GLB1L3: variants seen among roughly 807,000 people sequenced by gnomAD.
GLB1L3 encodes the protein beta-galactosidase-1-like protein 3.
GLB1L3 carries 89 observed loss-of-function variants against 89.5 expected under a neutral mutation model. The observed-to-expected ratio is 0.99, with a 90% CI of 0.84 to 1.19. GLB1L3 has a LOEUF of 1.19. GLB1L3 is among the 50% of genes most tolerant of loss of function. GLB1L3 has a pLI of 0.00. For synonymous variants in GLB1L3, 314 were observed against 312.3 expected (o/e 1.01, Z -0.06); for missense variants, 812 against 813.3 (o/e 1.00, Z 0.02).
chr11:134,277,169 G>A (rs745320074), intron 1 of GLB1L3, 157 bp from the exon 2 acceptor site: 19 of 859,052 alleles, frequency 2.2e-5, no homozygotes, highest in Non-Finnish European at 1.9e-5. Flanking sequence ...GTGATGCCGC[G>A]CTGTCCTGGC....
At chr11:134,307,575 T>C (rs1942260491) in intron 10 of GLB1L3, among the ~76,000 whole-genome samples, 1 of 152,144 alleles carries the variant, frequency 6.6e-6, no homozygotes, top group Non-Finnish European at 1.5e-5. Flanking sequence ...AAATGTGACA[T>C]CTCTGAGGAA....
intron 9 of GLB1L3, among the ~76,000 whole-genome samples, chr11:134,305,764 T>G (rs1033604212): frequency 1.3e-5 from 2 of 152,024 alleles, no homozygotes; most frequent in African/African-American, 4.8e-5. Flanking sequence ...GAGATATGAA[T>G]AAGATTATAC....
downstream of GLB1L3, among the ~76,000 whole-genome samples, chr11:134,321,659 T>A (rs1030140021): frequency 6.6e-6 from 1 of 152,046 alleles, no homozygotes; most frequent in Non-Finnish European, 1.5e-5. Flanking sequence ...CTCAGCAAAC[T>A]ATCGCAAGGA....
In GLB1L3 at chr11:134,296,807, A is replaced by G. The variant is rs1333034832; in HGVS notation, c.876+3598A>G. On this transcript the variant is annotated intron_variant, in intron 9 of 19. Transcript: ENST00000431683. ...GTATACATATGTAACTAACCTGCAC[A>G]TTGTGCACATGTACCCTAAAACTTA... is the stretch of plus-strand genomic sequence containing the variant. 5.3e-5 allele frequency among the ~76,000 whole-genome samples: 8 copies of G among 150,170 alleles called. No individual in the cohort carries two copies. In the South Asian group the frequency reaches 1.3e-3, roughly 24 times the overall value.
At position 134,312,796 on chromosome 11, in the gene GLB1L3, C is replaced by T. The variant is rs748739268; in HGVS notation, c.1429-20C>T. 53 of 1,599,920 alleles carry T rather than the reference C, an allele frequency of 3.3e-5. No individual in the cohort carries two copies. The highest frequency in any genetic ancestry group is 1.9e-4 in the Admixed American group (11 of 59,078). On this transcript the variant is annotated intron_variant, in intron 14 of 19. Transcript: ENST00000431683. ...TCTTCGGGTGGGCCTAGCAGTCTGA[C>T]GCCGGCTCTTCTTTTGCAGGTGTTT...
At position 134,304,120 on chromosome 11, in the gene GLB1L3, C is replaced by G. The variant is rs548336070; in HGVS notation, c.877-3004C>G. On this transcript the variant is annotated intron_variant, in intron 9 of 19. Transcript: ENST00000431683. ...GGTAGTAGTTCTTCAAATGTTGCTT[C>G]TCCTGTGTTGTCTCACTCCTCTCAT... is the stretch of plus-strand genomic sequence containing the variant. Among the ~76,000 whole-genome samples, 3 of 152,242 alleles carry G rather than the reference C, an allele frequency of 2.0e-5. No individual in the cohort carries two copies. The South Asian group carries it at 6.2e-4, about 32-fold the overall frequency.
At chr11:134,297,388 G>T (rs1941705329) in intron 9 of GLB1L3, among the ~76,000 whole-genome samples, 1 of 152,078 alleles carries the variant, frequency 6.6e-6, no homozygotes, top group Non-Finnish European at 1.5e-5. Flanking sequence ...AGTAGTTATT[G>T]ATATGGTTTG....
chr11:134,284,477 C>T (rs1940875047), intron 6 of GLB1L3, among the ~76,000 whole-genome samples: 1 of 152,120 alleles, frequency 6.6e-6, no homozygotes, highest in Non-Finnish European at 1.5e-5. Flanking sequence ...CCTATAATCC[C>T]AGCATTTTGG....
At chr11:134,323,396 T>TACAC (rs61583599), downstream of GLB1L3, among the ~76,000 whole-genome samples, 863 of 148,734 alleles carry the variant, frequency 5.8e-3, 6 homozygotes, top group South Asian at 0.022. Flanking sequence ...CACACACACG[T>TACAC]ACACACACAC....
At chr11:134,313,621 C>T (rs1459342155) in intron 16 of GLB1L3, 147 bp downstream of exon 16, 5 of 724,366 alleles carry the variant, frequency 6.9e-6, no homozygotes, top group Non-Finnish European at 1.2e-5. Context: ...AAATCGGCCC[C>T]TCGCCCTTGT....
At chr11:134,297,365 C>T (rs1193790283) in intron 9 of GLB1L3, among the ~76,000 whole-genome samples, 1 of 152,130 alleles carries the variant, frequency 6.6e-6, no homozygotes, top group Non-Finnish European at 1.5e-5. Flanking sequence ...GTGGCTACAT[C>T]ATTCACATTT....
chr11:134,314,218 T>G, intron 17 of GLB1L3, 112 bp from the exon 18 acceptor site: 1 of 765,200 alleles, frequency 1.3e-6, no homozygotes, highest in Non-Finnish European at 2.2e-6. Context: ...TCTAGTCTAC[T>G]CTATCTCATT....
chr11:134,294,830 T>G (rs1941546061), intron 9 of GLB1L3, among the ~76,000 whole-genome samples: 1 of 152,198 alleles, frequency 6.6e-6, no homozygotes, highest in Admixed American at 6.5e-5. Context: ...CTTCATTTCC[T>G]TCAATAGCTG....
rs1301235262 is a variant in GLB1L3 at position 134,277,871 on chromosome 11, C to G, written c.321C>G (p.Arg107=). Residue 107 remains arginine (R), a synonymous_variant, in exon 3 of 20, where the codon CGC becomes CGG. Coordinates refer to ENST00000431683, the MANE Select transcript of GLB1L3 (RefSeq NM_001080407.3). ...FRVPREYWRD[R]LLKLKACGFN... ...TGCCCAGGGAGTACTGGAGGGACCG[C>G]CTGCTGAAGCTGAAGGCCTGTGGCT... The G allele has an allele frequency of 6.2e-7, 1 of 1,613,880 alleles. No homozygotes were observed.
rs771003355 is a variant in GLB1L3 at position 134,313,382 on chromosome 11, G to C, written c.1501-14G>C. 2.6e-5 allele frequency: 40 copies of C among 1,567,512 alleles called. No homozygotes were observed. Among genetic ancestry groups the C allele is most frequent in the Non-Finnish European group, 3.3e-5 (38 of 1,155,766 alleles). On this transcript the variant is annotated splice_polypyrimidine_tract_variant and intron_variant, in intron 15 of 19. Coordinates refer to ENST00000431683, the MANE Select transcript of GLB1L3 (RefSeq NM_001080407.3). ...ATGGCTGCGTGGTCTCCATGACCTG[G>C]CCTGTCCCAGCAGGACTGCCGATAC...
chr11:134,308,655 T>TCACCACCACCACCACCACCAACACCAC (rs1343165727), intron 10 of GLB1L3, among the ~76,000 whole-genome samples: 3 of 105,544 alleles, frequency 2.8e-5, no homozygotes, highest in South Asian at 6.8e-4. Context: ...ACCACCATCA[T>TCACCACCACCACCACCACCAACACCAC]CACCACCACC....
At chr11:134,277,644 C>A (rs771269269) in intron 2 of GLB1L3, 56 bp from the exon 3 acceptor site, 1 of 1,556,646 alleles carries the variant, frequency 6.4e-7, no homozygotes, top group Non-Finnish European at 8.8e-7. Context: ...GCCTCCGAGC[C>A]CTCTCCCGAA....
At chr11:134,305,835 A>C (rs1489594689) in intron 9 of GLB1L3, among the ~76,000 whole-genome samples, 1 of 152,168 alleles carries the variant, frequency 6.6e-6, no homozygotes, top group African/African-American at 2.4e-5. Context: ...CAACTCTTTG[A>C]AATTAAAAAT....
chr11:134,276,178 C>T (rs923216666), upstream of GLB1L3: 1 of 152,406 alleles, frequency 6.6e-6, no homozygotes, highest in African/African-American at 2.4e-5. Context: ...TCCCAAGGCT[C>T]TGCGCCCCAA....
Sources: gnomAD v4.1 joint callset for allele counts (sites outside exome capture counted in the v4.1 genomes callset) on GRCh38, gnomAD v4.1.1 for gene constraint, MANE v1.5 for transcripts, NCBI Gene and HGNC (gene_info 2026-07-23, HGNC 2026-07-21) for gene names.